The following DLG2 variants were observed in gnomAD, a reference collection of about 807,000 sequenced individuals.
The protein encoded by DLG2 is disks large homolog 2.
A neutral mutation model predicts 132.5 loss-of-function variants in DLG2; 45 were observed. That is an observed-to-expected ratio of 0.34 (90% CI 0.27 to 0.44). The LOEUF is 0.44. DLG2 is among the 20% of genes least tolerant of loss of function. The probability of loss-of-function intolerance (pLI) is 1.00; values close to 1 mark genes in which losing one functional copy is unlikely to be tolerated. For synonymous variants in DLG2, 424 were observed against 419.6 expected (o/e 1.01, Z -0.13); for missense variants, 1,045 against 1,196.9 (o/e 0.87, Z 1.87).
At chr11:84,289,558 T>C (rs1052072102) in intron 7 of DLG2, among the ~76,000 whole-genome samples, 9 of 152,118 alleles carry the variant, frequency 5.9e-5, no homozygotes, top group Non-Finnish European at 1.0e-4. Context: ...GGTCTAGAGA[T>C]AGAGTTAGAA....
intron 3 of DLG2, among the ~76,000 whole-genome samples, chr11:85,589,175 G>T (rs1329289042): frequency 1.3e-5 from 2 of 152,192 alleles, no homozygotes; most frequent in African/African-American, 4.8e-5. Flanking sequence ...ACTGTCACGT[G>T]GACAGATTTA....
At chr11:84,713,596 G>A (rs538129895) in intron 6 of DLG2, among the ~76,000 whole-genome samples, 9 of 151,978 alleles carry the variant, frequency 5.9e-5, no homozygotes, top group Non-Finnish European at 5.9e-5. Flanking sequence ...GTTTTAACCC[G>A]ATTCACAGGA....
chr11:85,056,618 C>A (rs1447950247), intron 6 of DLG2, among the ~76,000 whole-genome samples: 3 of 151,804 alleles, frequency 2.0e-5, no homozygotes, highest in African/African-American at 4.8e-5. Flanking sequence ...ATTTTCAAAA[C>A]TGACAAGAAA....
intron 6 of DLG2, among the ~76,000 whole-genome samples, chr11:84,542,221 G>C (rs778154376): frequency 1.3e-5 from 2 of 152,088 alleles, no homozygotes; most frequent in African/African-American, 2.4e-5. Context: ...CACATGAATA[G>C]GTGGCATATT....
chr11:85,000,816 T>C (rs2058140125), intron 6 of DLG2, among the ~76,000 whole-genome samples: 1 of 152,180 alleles, frequency 6.6e-6, no homozygotes, highest in African/African-American at 2.4e-5. Context: ...ATTAAATATT[T>C]TGAAGAATAA....
rs140719652 is a variant in DLG2, at chr11:84,366,991, C to T, written c.520-115700G>A. Among the ~76,000 whole-genome samples the T allele has an allele frequency of 2.9e-3, 444 of 152,216 alleles. 15 individuals are homozygous for T. The East Asian group carries it at 0.068, about 23-fold the overall frequency. On this transcript the variant is annotated intron_variant, in intron 7 of 27. Transcript: ENST00000376104. ...TAGGCATCTCTACAGAACTCTCCAC[C>T]CCAGATCAACAGAATATACATTTTT...
At chr11:84,203,704 C>T (rs1169500472) in intron 8 of DLG2, among the ~76,000 whole-genome samples, 1 of 151,826 alleles carries the variant, frequency 6.6e-6, no homozygotes, top group Non-Finnish European at 1.5e-5. Flanking sequence ...CATATTCTCA[C>T]TTATAAGTGG....
At chr11:84,021,070 T>C (rs968103254) in intron 11 of DLG2, among the ~76,000 whole-genome samples, 19 of 152,286 alleles carry the variant, frequency 1.2e-4, no homozygotes, top group African/African-American at 4.1e-4. Flanking sequence ...ACTATAGAGA[T>C]GAGTATTTAA....
intron 6 of DLG2, among the ~76,000 whole-genome samples, chr11:84,547,492 T>C (rs2099392555): frequency 6.6e-6 from 1 of 152,186 alleles, no homozygotes; most frequent in South Asian, 2.1e-4. Flanking sequence ...TATTGTACCA[T>C]GTGCTAGAGA....
At chr11:85,130,907 C>A (rs138681088) in intron 5 of DLG2, among the ~76,000 whole-genome samples, 1 of 152,106 alleles carries the variant, frequency 6.6e-6, no homozygotes, top group African/African-American at 2.4e-5. Context: ...AGCAATCATG[C>A]ATTATTTACC....
intron 6 of DLG2, among the ~76,000 whole-genome samples, chr11:84,830,538 G>C (rs545122037): frequency 2.1e-4 from 32 of 151,434 alleles, no homozygotes; most frequent in Admixed American, 9.9e-4. Context: ...TGTGAAATTA[G>C]GCAAAACAAA....
At chr11:84,346,972 C>T (rs970513289) in intron 7 of DLG2, among the ~76,000 whole-genome samples, 1 of 152,022 alleles carries the variant, frequency 6.6e-6, no homozygotes, top group Non-Finnish European at 1.5e-5. Context: ...CTAGGATAGT[C>T]GTTTCACTAA....
chr11:85,088,472 T>A (rs1171731454), intron 6 of DLG2, among the ~76,000 whole-genome samples: 5 of 152,176 alleles, frequency 3.3e-5, no homozygotes, highest in Non-Finnish European at 5.9e-5. Context: ...AAGAGAATCA[T>A]ATAAACATTC....
chr11:84,695,493 G>T (rs918620929), intron 6 of DLG2, among the ~76,000 whole-genome samples: 1 of 151,472 alleles, frequency 6.6e-6, no homozygotes, highest in Admixed American at 6.6e-5. Flanking sequence ...ATTACAGACA[G>T]AACTGAAGTC....
At chr11:85,574,240 C>A (rs1189042622) in intron 3 of DLG2, among the ~76,000 whole-genome samples, 1 of 151,992 alleles carries the variant, frequency 6.6e-6, no homozygotes, top group Non-Finnish European at 1.5e-5. Context: ...TTTAAAAACA[C>A]TGATACTCTG....
intron 6 of DLG2, among the ~76,000 whole-genome samples, chr11:85,045,926 T>C: frequency 6.6e-6 from 1 of 152,032 alleles, no homozygotes; most frequent in East Asian, 1.9e-4. Context: ...GGATCCAATA[T>C]GTCACTGAAA....
chr11:84,957,744 T>C (rs1262152573), intron 6 of DLG2, among the ~76,000 whole-genome samples: 1 of 152,190 alleles, frequency 6.6e-6, no homozygotes, highest in East Asian at 1.9e-4. Flanking sequence ...TGAGTGAATG[T>C]GTATATTTTT....
Position 84,615,829 on chromosome 11 carries a change from A to AAAAAAAAAAAAC in DLG2, c.358-81110_358-81099dup, listed in dbSNP as rs1164970830. ...CAGGACAAAAACGGTAAAAAAAAAA[A>AAAAAAAAAAAAC]AAAAAAAAAAACTTCATTCCAGTAC... is the stretch of plus-strand genomic sequence containing the variant. On this transcript the variant is annotated intron_variant, in intron 6 of 27. Coordinates refer to ENST00000376104, the MANE Select transcript of DLG2 (RefSeq NM_001142699.3). Among the ~76,000 whole-genome samples the AAAAAAAAAAAAC allele has an allele frequency of 4.8e-5, 7 of 146,212 alleles. No homozygotes were observed. The East Asian group carries it at 1.4e-3, about 28-fold the overall frequency.
chr11:84,901,206 A>G (rs77520247), intron 6 of DLG2, among the ~76,000 whole-genome samples: 1 of 152,210 alleles, frequency 6.6e-6, no homozygotes, highest in Non-Finnish European at 1.5e-5. Context: ...GATAAATGCT[A>G]TGAGAAATTA....
Sources: allele counts gnomAD v4.1 joint callset (sites outside exome capture counted in the v4.1 genomes callset), GRCh38; gene constraint gnomAD v4.1.1; transcripts MANE v1.5; gene names NCBI Gene and HGNC (gene_info 2026-07-23, HGNC 2026-07-21).